NHS: variants seen among roughly 807,000 people sequenced by gnomAD.
NHS encodes the protein actin remodeling regulator NHS.
A neutral mutation model predicts 72.5 loss-of-function variants in NHS; 5 were observed. The observed-to-expected ratio is 0.07, with a 90% CI of 0.04 to 0.14. NHS has a LOEUF of 0.14. NHS is among the 10% of genes least tolerant of loss of function. The probability of loss-of-function intolerance (pLI) is 1.00; values close to 1 mark genes in which losing one functional copy is unlikely to be tolerated. For synonymous variants in NHS, 464 were observed against 547.7 expected, an observed-to-expected ratio of 0.85 and a Z score of 2.13; for missense variants, 1,072 against 1,355.7, an observed-to-expected ratio of 0.79 and a Z score of 3.29.
intron 1 of NHS, among the ~76,000 whole-genome samples, chrX:17,544,903 T>C (rs2065284450): frequency 8.9e-6 from 1 of 112,799 alleles, no homozygotes; most frequent in South Asian, 3.6e-4. Context: ...AGATGATCTT[T>C]TGTTATTCTG....
At chrX:17,619,333 G>A (rs1437702072) in intron 1 of NHS, among the ~76,000 whole-genome samples, 1 of 111,217 alleles carries the variant, frequency 9.0e-6, no homozygotes, top group Admixed American at 9.5e-5. Context: ...CTGTGTGTGT[G>A]CTCAGCTCCA....
intron 2 of NHS, 119 bp downstream of exon 2, chrX:17,688,013 G>A: frequency 1.2e-6 from 1 of 818,739 alleles, no homozygotes; most frequent in Non-Finnish European, 1.7e-6. Context: ...ACTTTGAAAT[G>A]CTCCCGTTTC....
chrX:17,566,703 T>G (rs1273228223), intron 1 of NHS, among the ~76,000 whole-genome samples: 1 of 111,505 alleles, frequency 9.0e-6, no homozygotes, highest in Non-Finnish European at 1.9e-5. Context: ...TTTTTTTTTT[T>G]TATTCCAGGA....
chrX:17,547,162 GTA>G (rs1390089719), intron 1 of NHS, among the ~76,000 whole-genome samples: 2 of 112,159 alleles, frequency 1.8e-5, no homozygotes, highest in African/African-American at 6.5e-5. Context: ...GGCCCTGCAG[GTA>G]TGATTTTTTC....
Position 17,711,621 on chromosome X carries a change from C to T in NHS, c.853-7723C>T, listed in dbSNP as rs112318576. On this transcript the variant is annotated intron_variant, in intron 3 of 8. Coordinates refer to ENST00000676302, the MANE Select transcript of NHS (RefSeq NM_001291867.2). ...TCACACATTCTCTTTCAGAAAGCCT[C>T]TTTTTGGGTGAAAACTGCACCATTG... is the stretch of plus-strand genomic sequence containing the variant. Among the ~76,000 whole-genome samples the T allele has an allele frequency of 9.4e-3, 1,056 of 111,869 alleles. 16 individuals are homozygous for T. Among genetic ancestry groups the T allele is most frequent in the African/African-American group, 0.032 (976 of 30,745 alleles).
chrX:17,594,459 G>A (rs969236914), intron 1 of NHS, among the ~76,000 whole-genome samples: 2 of 111,627 alleles, frequency 1.8e-5, no homozygotes, highest in Admixed American at 9.5e-5. Flanking sequence ...AGTCTTACAC[G>A]CCAAGGCTTC....
intron 1 of NHS, chrX:17,587,059 T>C (rs918627694): frequency 8.9e-6 from 1 of 112,190 alleles, no homozygotes; most frequent in Admixed American, 9.4e-5. Context: ...TAGAAATACA[T>C]TGACATATAT....
At chrX:17,521,465 C>T (rs892564893) in intron 1 of NHS, among the ~76,000 whole-genome samples, 14 of 108,940 alleles carry the variant, frequency 1.3e-4, no homozygotes, top group Non-Finnish European at 2.5e-4. Flanking sequence ...TGGGCTCAAG[C>T]GATCCTCCTA....
intron 1 of NHS, among the ~76,000 whole-genome samples, chrX:17,467,966 T>G (rs963068392): frequency 1.2e-4 from 14 of 112,168 alleles, no homozygotes; most frequent in Non-Finnish European, 2.6e-4. Context: ...TTTGAACACA[T>G]GATTATAAAT....
At chrX:17,614,535 G>T (rs1287712825) in intron 1 of NHS, among the ~76,000 whole-genome samples, 1 of 111,501 alleles carries the variant, frequency 9.0e-6, no homozygotes, top group Non-Finnish European at 1.9e-5. Context: ...ATCACAGCGG[G>T]TTACATTTTC....
chrX:17,554,128 C>T (rs1191841602), intron 1 of NHS, among the ~76,000 whole-genome samples: 2 of 112,425 alleles, frequency 1.8e-5, no homozygotes, highest in Non-Finnish European at 3.8e-5. Flanking sequence ...TTAGTCAGCT[C>T]TCTGCAGCGC....
chrX:17,442,860 G>T (rs1320263623), intron 1 of NHS, among the ~76,000 whole-genome samples: 1 of 112,421 alleles, frequency 8.9e-6, no homozygotes, highest in African/African-American at 3.2e-5. Context: ...CATTCAGATG[G>T]ACAGACAGTG....
intron 1 of NHS, among the ~76,000 whole-genome samples, chrX:17,470,029 A>G (rs1242250951): frequency 9.0e-6 from 1 of 111,288 alleles, no homozygotes; most frequent in African/African-American, 3.3e-5. Context: ...GAAAGGGGCA[A>G]GCAGGCCTAC....
intron 1 of NHS, among the ~76,000 whole-genome samples, chrX:17,607,151 G>A (rs2065684712): frequency 9.0e-6 from 1 of 111,207 alleles, no homozygotes; most frequent in African/African-American, 3.3e-5. Flanking sequence ...GAGGGTTGGG[G>A]CAGTTTGAGG....
At chrX:17,446,428 A>G (rs1419943540) in intron 1 of NHS, among the ~76,000 whole-genome samples, 1 of 110,442 alleles carries the variant, frequency 9.1e-6, no homozygotes, top group African/African-American at 3.3e-5. Context: ...GCCTTAACTG[A>G]TGACATTACC....
intron 1 of NHS, among the ~76,000 whole-genome samples, chrX:17,454,683 T>C (rs758966540): frequency 6.2e-5 from 7 of 112,219 alleles, no homozygotes; most frequent in Non-Finnish European, 1.1e-4. Context: ...ATGAGTTCAG[T>C]ATTAAGTTGC....
In NHS at chrX:17,732,189, G is replaced by A. The variant is rs764495971; in HGVS notation, c.4681G>A (p.Asp1561Asn). The A allele has an allele frequency of 3.3e-6, 4 of 1,211,799 alleles. No homozygotes were observed. The highest frequency in any genetic ancestry group is 3.5e-5 in the African/African-American group (2 of 57,800). ...CACAGCAGAGTCCCCTCAGAGCACC[G>A]ATGATGCCCATCAGGGGTCACAAGG... ...ELTAESPQST[D>N]DAHQGSQGAE... The change falls in exon 9 of 9, where the codon GAT (aspartate) becomes AAT (asparagine). Residue 1561 changes from aspartate (D) to asparagine (N), a missense_variant. Coordinates refer to ENST00000676302, the MANE Select transcript of NHS (RefSeq NM_001291867.2).
intron 3 of NHS, among the ~76,000 whole-genome samples, chrX:17,696,532 T>G (rs2066231584): frequency 8.9e-6 from 1 of 112,378 alleles, no homozygotes; most frequent in Admixed American, 9.4e-5. Context: ...TCCAACCATG[T>G]GTTTTCACTC....
chrX:17,516,027 C>T (rs1287113727), intron 1 of NHS, among the ~76,000 whole-genome samples: 1 of 91,760 alleles, frequency 1.1e-5, no homozygotes. Context: ...TTCTAGGAGA[C>T]AAACTGTTAA....
Sources: allele counts gnomAD v4.1 joint callset (sites outside exome capture counted in the v4.1 genomes callset), GRCh38; gene constraint gnomAD v4.1.1; transcripts MANE v1.5; gene names NCBI Gene and HGNC (gene_info 2026-07-23, HGNC 2026-07-21).